Variants in SMC6 observed in about 807,000 individuals in gnomAD.
The protein encoded by SMC6 is structural maintenance of chromosomes 6.
In SMC6, 79 loss-of-function variants were observed where a neutral mutation model predicts 142.2. That is an observed-to-expected ratio of 0.56 (90% CI 0.46 to 0.67). The LOEUF is 0.67. Among genes scored for constraint, SMC6 ranks in the 30% least tolerant of loss-of-function variants. The probability of loss-of-function intolerance (pLI) is 0.00; values close to 1 mark genes in which losing one functional copy is unlikely to be tolerated. For synonymous variants in SMC6, 411 were observed against 412.4 expected (o/e 1.00, Z 0.04); for missense variants, 1,072 against 1,284.0 (o/e 0.83, Z 2.52).
At chr2:17,694,439 C>T (rs962228190) in intron 23 of SMC6, among the ~76,000 whole-genome samples, 2 of 152,084 alleles carry the variant, frequency 1.3e-5, no homozygotes, top group Non-Finnish European at 2.9e-5. Flanking sequence ...GCCATATGTA[C>T]CCCACTGGAG....
rs776169598 is a variant in SMC6 at position 17,717,171 on chromosome 2, T to C, written c.1098A>G (p.Leu366=). The change falls in exon 13 of 28, where the codon TTA becomes TTG. Residue 366 remains leucine, a synonymous_variant. Transcript: ENST00000448223. ...TATATTCGTTTAAGGATCGGTTATA[T>C]AAAACCTAACCAAAAAAATTAGACA... The part of the protein sequence containing the change: ...KKRAYNEAEV[L]YNRSLNEYKA... 1.9e-5 allele frequency: 30 copies of C among 1,602,778 alleles called. No homozygotes were observed. The highest frequency in any genetic ancestry group is 1.8e-4 in the South Asian group (16 of 88,230).
chr2:17,753,408 G>A (rs145957118), intron 1 of SMC6, among the ~76,000 whole-genome samples: 1,384 of 99,478 alleles, frequency 0.014, 12 homozygotes, highest in Middle Eastern at 0.038. Flanking sequence ...TCAGGAGACC[G>A]GTGCCGCCTC....
chr2:17,701,739 A>C, intron 20 of SMC6, 90 bp downstream of exon 20: 1 of 761,192 alleles, frequency 1.3e-6, no homozygotes, highest in South Asian at 1.7e-5. Flanking sequence ...CAATTAAAAG[A>C]ACTTTCTAAA....
At chr2:17,694,326 G>T (rs73921046) in intron 23 of SMC6, among the ~76,000 whole-genome samples, 18 of 152,258 alleles carry the variant, frequency 1.2e-4, no homozygotes, top group South Asian at 6.2e-4. Context: ...AATGTAAGGA[G>T]ATTTGAAATG....
chr2:17,678,363 C>T (rs772034693), intron 25 of SMC6, among the ~76,000 whole-genome samples: 12 of 152,090 alleles, frequency 7.9e-5, no homozygotes, highest in South Asian at 4.1e-4. Flanking sequence ...ATAAAATCTA[C>T]GCTAGCAGCT....
At chr2:17,698,824 G>A (rs570485879) in intron 21 of SMC6, among the ~76,000 whole-genome samples, 15 of 152,088 alleles carry the variant, frequency 9.9e-5, no homozygotes, top group African/African-American at 3.1e-4. Flanking sequence ...TCTGTAGTAC[G>A]TTTTAGTGCA....
At chr2:17,700,466 G>A (rs1283483970) in intron 20 of SMC6, 88 bp from the exon 21 acceptor site, 6 of 1,031,212 alleles carry the variant, frequency 5.8e-6, no homozygotes, top group Non-Finnish European at 8.2e-6. Context: ...TGAGAGAGGA[G>A]AAACTATAGG....
intron 23 of SMC6, among the ~76,000 whole-genome samples, chr2:17,690,390 C>T (rs1049975812): frequency 2.0e-5 from 3 of 152,088 alleles, no homozygotes; most frequent in African/African-American, 4.8e-5. Context: ...GTGAGGAGTT[C>T]GAGACCTGCC....
chr2:17,695,813 T>C (rs78103041), intron 22 of SMC6, among the ~76,000 whole-genome samples: 10,852 of 152,278 alleles, frequency 0.071, 549 homozygotes, highest in Middle Eastern at 0.14. Context: ...CCTTAAGATA[T>C]AAATGCAAAA....
intron 5 of SMC6, among the ~76,000 whole-genome samples, chr2:17,736,546 G>T (rs1342025618): frequency 6.6e-6 from 1 of 152,096 alleles, no homozygotes; most frequent in African/African-American, 2.4e-5. Flanking sequence ...TAGACTGGGT[G>T]ATTGTTTGGA....
intron 2 of SMC6, among the ~76,000 whole-genome samples, chr2:17,752,451 CTG>C (rs1166922360): frequency 6.6e-6 from 1 of 152,140 alleles, no homozygotes; most frequent in Non-Finnish European, 1.5e-5. Flanking sequence ...GCACTGATAA[CTG>C]TATTATTTCT....
In SMC6 at chr2:17,695,235, T is replaced by G. The variant is rs576150838; in HGVS notation, c.2595A>C (p.Ser865=). The G allele has an allele frequency of 6.2e-7, 1 of 1,613,712 alleles. No individual in the cohort carries two copies. Among genetic ancestry groups the G allele is most frequent in the African/African-American group, 1.3e-5 (1 of 75,042 alleles). The change falls in exon 23 of 28, where the codon TCA becomes TCC. Residue 865 remains serine, a synonymous_variant. Coordinates refer to ENST00000448223, the MANE Select transcript of SMC6 (RefSeq NM_001142286.2). The stretch of plus-strand genomic sequence containing the variant: ...ATCGATTAATTTCTTTGTCCAGAAT[T>G]GATGCAGATTTTTCTACTTCTATAC... ...PERIEVEKSA[S]ILDKEINRLR... is the part of the protein sequence containing the mutation.
chr2:17,734,158 C>T (rs557682532), intron 5 of SMC6, among the ~76,000 whole-genome samples: 1 of 152,156 alleles, frequency 6.6e-6, no homozygotes, highest in East Asian at 1.9e-4. Flanking sequence ...CAGAGACAGC[C>T]AGAGATGCAA....
At chr2:17,743,133 G>C (rs1436584987) in intron 3 of SMC6, among the ~76,000 whole-genome samples, 3 of 152,112 alleles carry the variant, frequency 2.0e-5, no homozygotes, top group South Asian at 4.1e-4. Context: ...TTATGGTATG[G>C]ATGTACCAAG....
chr2:17,730,937 T>G, intron 7 of SMC6, 141 bp downstream of exon 7: 1 of 679,622 alleles, frequency 1.5e-6, no homozygotes, highest in Non-Finnish European at 2.6e-6. Flanking sequence ...TTAAACAACT[T>G]CATTGATAAT....
At chr2:17,701,064 A>G (rs1572289232) in intron 20 of SMC6, among the ~76,000 whole-genome samples, 1 of 149,936 alleles carries the variant, frequency 6.7e-6, no homozygotes, top group Non-Finnish European at 1.5e-5. Flanking sequence ...TAATAATAAT[A>G]ATAATACAAA....
intron 9 of SMC6, among the ~76,000 whole-genome samples, chr2:17,724,522 C>T (rs76221447): frequency 0.01 from 1,589 of 152,236 alleles, 37 homozygotes; most frequent in African/African-American, 0.036. Flanking sequence ...TATGGAATTA[C>T]ATAAAGTTGG....
intron 2 of SMC6, among the ~76,000 whole-genome samples, chr2:17,750,047 C>T (rs1013193164): frequency 6.6e-6 from 1 of 152,088 alleles, no homozygotes; most frequent in Non-Finnish European, 1.5e-5. Flanking sequence ...GAATATATCA[C>T]GAAATTATAT....
intron 21 of SMC6, among the ~76,000 whole-genome samples, chr2:17,697,326 AAAG>A (rs1406722695): frequency 3.3e-5 from 5 of 152,066 alleles, no homozygotes; most frequent in Admixed American, 6.6e-5. Context: ...ATAAATTCCA[AAAG>A]AAGAACTTCA....
Sources: gnomAD v4.1 joint callset for allele counts (sites outside exome capture counted in the v4.1 genomes callset) on GRCh38, gnomAD v4.1.1 for gene constraint, MANE v1.5 for transcripts, NCBI Gene and HGNC (gene_info 2026-07-23, HGNC 2026-07-21) for gene names.